XKR5: variants seen among roughly 807,000 people sequenced by gnomAD.
The protein encoded by XKR5 is XK-related protein 5.
In XKR5, 46 loss-of-function variants were observed where a neutral mutation model predicts 40.8. The observed-to-expected ratio is 1.13, with a 90% CI of 0.89 to 1.44. The LOEUF is 1.44. XKR5 is among the 40% of genes most tolerant of loss of function. The pLI is 0.00. For synonymous variants in XKR5, 466 were observed against 356.1 expected, an observed-to-expected ratio of 1.31 and a Z score of -3.48; for missense variants, 1,169 against 844.7, an observed-to-expected ratio of 1.38 and a Z score of -4.76.
At chr8:6,822,168 A>T in intron 4 of XKR5, 130 bp from the exon 5 acceptor site, 1 of 872,764 alleles carries the variant, frequency 1.1e-6, no homozygotes, top group South Asian at 1.9e-5. Context: ...AGATATCAAA[A>T]CCCAGAAGAG....
At chr8:6,816,001 C>T (rs935575768) in intron 5 of XKR5, 83 bp from the exon 6 acceptor site, 3 of 1,010,834 alleles carry the variant, frequency 3.0e-6, no homozygotes, top group African/African-American at 1.6e-5. Flanking sequence ...TGCAGCGGCT[C>T]CCCCTCCCCT....
At chr8:6,815,518 C>T (rs1031359537) in intron 6 of XKR5, among the ~76,000 whole-genome samples, 6 of 152,074 alleles carry the variant, frequency 3.9e-5, no homozygotes, top group African/African-American at 4.8e-5. Context: ...AGAGAAGTCA[C>T]GTCCTCAACC....
chr8:6,825,206 G>T lies in XKR5; in HGVS notation c.386C>A (p.Thr129Lys). The T allele has an allele frequency of 6.2e-7, 1 of 1,613,382 alleles. No homozygotes were observed. The highest frequency in any genetic ancestry group is 8.5e-7 in the Non-Finnish European group (1 of 1,179,680). The change falls in exon 3 of 7, where the codon ACA (threonine) becomes AAA (lysine). Residue 129 changes from threonine to lysine, a missense_variant. By Grantham distance (78) the Thr-to-Lys change is moderately conservative (BLOSUM62 -1). Coordinates refer to ENST00000618742, the MANE Select transcript of XKR5 (RefSeq NM_207411.5). Reference sequence around the variant, plus strand: ...GAAGTCTGAGGCTAGAAAAACATATGTCTGAAGCAGCAGGTGGGGCCCAGT... The same window carrying T: ...GAAGTCTGAGGCTAGAAAAACATATTTCTGAAGCAGCAGGTGGGGCCCAGT... The part of the protein sequence containing the change: ...LQTGPHLLLQ[T>K]YVFLASDFTD...
rs2117070584 is a variant in XKR5, at chr8:6,810,196, T to C, written c.*1002A>G. 6.6e-6 allele frequency: 1 copy of C among 152,330 alleles called. No individual in the cohort carries two copies. Among genetic ancestry groups the C allele is most frequent in the East Asian group, 1.9e-4 (1 of 5,188 alleles). The allele number at this position is 152,330 out of a possible 1,614,324, so 9.4% of individuals were successfully genotyped here. A position where few individuals can be genotyped will look rare whatever the true frequency, so the allele number is the denominator to read the frequency against. ...CCAGCTCTCTGTGTGCCTTTCTCTT[T>C]GATAGTTTATGACTAGACTTCCTTA... is the stretch of plus-strand genomic sequence containing the variant. On this transcript the variant is annotated 3_prime_UTR_variant, in exon 7 of 7. Coordinates refer to ENST00000618742, the MANE Select transcript of XKR5 (RefSeq NM_207411.5).
intron 6 of XKR5, among the ~76,000 whole-genome samples, chr8:6,813,251 T>C (rs1395805234): frequency 6.6e-6 from 1 of 152,210 alleles, no homozygotes; most frequent in Non-Finnish European, 1.5e-5. Context: ...ACTTTCTCCA[T>C]GTTCAGTGCC....
rs374217788 is a variant in XKR5, at chr8:6,825,307, C to T, written c.285G>A (p.Glu95=). 59 of 1,604,770 alleles carry T rather than the reference C, an allele frequency of 3.7e-5. No homozygotes were observed. The highest frequency in any genetic ancestry group is 4.7e-5 in the Non-Finnish European group (55 of 1,176,702). Residue 95 remains glutamate (E), a synonymous_variant, in exon 3 of 7, where the codon GAG becomes GAA. Coordinates refer to ENST00000618742, the MANE Select transcript of XKR5 (RefSeq NM_207411.5). ...GCTGCAGCCAGCCTCGGTGGGGAGC[C>T]TCCAGTTCCTTCTGCAGACTGGTCA... The part of the protein sequence containing the change: ...AALTSLQKEL[E]APHRGWLQLQ...
chr8:6,835,471 A>G lies in XKR5; in HGVS notation c.23T>C (p.Leu8Pro). Residue 8 changes from leucine (L) to proline (P), a missense_variant, in exon 1 of 7, where the codon CTC becomes CCC. By Grantham distance (98) the Leu-to-Pro change is moderately conservative. Transcript: ENST00000618742. ...CTCGGCCGCCTGCAGCAGGGCCGAG[A>G]GCCCCAGGAGCCTCGCGTGCATCTT... is the stretch of plus-strand genomic sequence containing the variant. Reference protein sequence around the residue: MHARLLGLSALLQAAEQS... With the variant: MHARLLGPSALLQAAEQS... 1.3e-6 allele frequency: 2 copies of G among 1,501,018 alleles called. No individual in the cohort carries two copies. The highest frequency in any genetic ancestry group is 1.2e-5 in the South Asian group (1 of 80,188). The allele number at this position is 1,501,018 out of a possible 1,614,324, so 93.0% of individuals were successfully genotyped here. A position where few individuals can be genotyped will look rare whatever the true frequency, so the allele number is the denominator to read the frequency against.
rs188606383 is a variant in XKR5, at chr8:6,824,870, T to C, written c.427+295A>G. ...ACACAAGAAAAACATGTGCAGTGAG[T>C]TTATGGAGAGGCAGTCTTTCCAAGG... On this transcript the variant is annotated intron_variant, in intron 3 of 6. Coordinates refer to ENST00000618742, the MANE Select transcript of XKR5 (RefSeq NM_207411.5). Among the ~76,000 whole-genome samples the C allele has an allele frequency of 8.4e-4, 127 of 152,090 alleles. 1 individual carries two copies. In the Middle Eastern group the frequency reaches 0.01, roughly 12 times the overall value.
intron 6 of XKR5, among the ~76,000 whole-genome samples, chr8:6,812,819 G>A (rs1229745879): frequency 2.6e-5 from 4 of 152,152 alleles, no homozygotes; most frequent in Non-Finnish European, 4.4e-5. Context: ...AAACAAGTAA[G>A]ACCTAAACAG....
chr8:6,832,614 T>G lies in XKR5; in HGVS notation c.242+103A>C, dbSNP rs1022003535. 11 of 1,474,246 alleles carry G rather than the reference T, an allele frequency of 7.5e-6. No individual in the cohort carries two copies. In the Admixed American group the frequency reaches 2.2e-4, roughly 29 times the overall value. 91.3% of individuals were successfully genotyped at this position (1,474,246 alleles called of 1,614,324 possible). ...GCCGCTTTGAACCTCTTCCCAATGCTGAACTTTTATGAGCTTGAGGACAGA... is the reference window on the plus strand; with the variant it reads ...GCCGCTTTGAACCTCTTCCCAATGCGGAACTTTTATGAGCTTGAGGACAGA... On this transcript the variant is annotated intron_variant, in intron 2 of 6. Transcript: ENST00000618742.
intron 1 of XKR5, 35 bp from the exon 2 acceptor site, chr8:6,832,935 G>A (rs772043115): frequency 9.9e-6 from 15 of 1,512,902 alleles, no homozygotes; most frequent in Non-Finnish European, 1.1e-5. Context: ...CAGGTTGTTG[G>A]AAGGCTGGAG....
At chr8:6,834,610 G>A (rs1403850013) in intron 1 of XKR5, among the ~76,000 whole-genome samples, 3 of 152,220 alleles carry the variant, frequency 2.0e-5, no homozygotes, top group Non-Finnish European at 4.4e-5. Context: ...GAAGCAGCGG[G>A]ACCTGCGGGG....
chr8:6,825,536 C>T (rs568465390), intron 2 of XKR5, among the ~76,000 whole-genome samples, 187 bp from the exon 3 acceptor site: 3 of 151,466 alleles, frequency 2.0e-5, no homozygotes, highest in Non-Finnish European at 4.4e-5. Context: ...TATGTAAGTT[C>T]CCCGAGTCCT....
rs971324444 is a variant in XKR5, at chr8:6,809,929, G to C, written c.*1269C>G. On this transcript the variant is annotated 3_prime_UTR_variant, in exon 7 of 7. Coordinates refer to ENST00000618742, the MANE Select transcript of XKR5 (RefSeq NM_207411.5). ...AGTTGGAGACCAGCCTGAGCCACCT[G>C]GCAAGAACCTGTCTCTACAAAAAAT... is the stretch of plus-strand genomic sequence containing the variant. The C allele has an allele frequency of 6.6e-6, 1 of 152,176 alleles. No individual in the cohort carries two copies. Among genetic ancestry groups the C allele is most frequent in the Non-Finnish European group, 1.5e-5 (1 of 68,104 alleles). The allele number at this position is 152,176 out of a possible 1,614,324, so 9.4% of individuals were successfully genotyped here.
Position 6,812,110 on chromosome 8 carries a change from G to T in XKR5, c.1149C>A (p.Val383=), listed in dbSNP as rs28432964. 13,342 of 1,546,514 alleles carry T rather than the reference G, an allele frequency of 8.6e-3. 930 individuals carry two copies. In the African/African-American group the frequency reaches 0.15, roughly 18 times the overall value. ...ILGKPPTPEQ[V]PPEAGLGTQV... is the part of the protein sequence containing the mutation. ...GGGTCCCCAGCCCAGCCTCTGGGGG[G>T]ACCTGCTCAGGGGTAGGGGGCTTCC... is the stretch of plus-strand genomic sequence containing the variant. The change falls in exon 7 of 7, where the codon GTC becomes GTA. Residue 383 remains valine, a synonymous_variant. Coordinates refer to ENST00000618742, the MANE Select transcript of XKR5 (RefSeq NM_207411.5).
chr8:6,834,348 AG>A (rs1804906881), intron 1 of XKR5, among the ~76,000 whole-genome samples: 1 of 152,228 alleles, frequency 6.6e-6, no homozygotes, highest in African/African-American at 2.4e-5. Context: ...GGGCTCAGGC[AG>A]CCCTTAGCGC....
intron 6 of XKR5, among the ~76,000 whole-genome samples, chr8:6,813,144 C>A (rs935996862): frequency 2.6e-5 from 4 of 152,170 alleles, no homozygotes; most frequent in Non-Finnish European, 4.4e-5. Flanking sequence ...TGAAGGACAT[C>A]CCCAGCCCCA....
At chr8:6,813,628 G>T (rs1803834757) in intron 6 of XKR5, among the ~76,000 whole-genome samples, 1 of 152,188 alleles carries the variant, frequency 6.6e-6, no homozygotes, top group African/African-American at 2.4e-5. Flanking sequence ...GGGAGTCAGG[G>T]GTTTGGCAGC....
intron 1 of XKR5, among the ~76,000 whole-genome samples, chr8:6,835,126 T>C (rs1379897843): frequency 3.3e-5 from 5 of 150,320 alleles, no homozygotes; most frequent in African/African-American, 4.9e-5. Context: ...GAGGGGATCT[T>C]GCATGCGTGG....
Sources: allele counts gnomAD v4.1 joint callset (sites outside exome capture counted in the v4.1 genomes callset), GRCh38; gene constraint gnomAD v4.1.1; transcripts MANE v1.5; gene names NCBI Gene and HGNC (gene_info 2026-07-23, HGNC 2026-07-21).